TBC1D4: variants seen among roughly 807,000 people sequenced by gnomAD.
TBC1D4 encodes TBC1 domain family member 4.
Under a neutral mutation model 142.5 loss-of-function variants are expected in TBC1D4, and 121 were observed. The ratio of observed to expected loss-of-function variants is 0.85; its 90% CI spans 0.73 to 0.99. The LOEUF (loss-of-function observed/expected upper bound fraction) is 0.99, where lower values mean the gene tolerates loss of function less well. Ranked by LOEUF, TBC1D4 falls within the 50% of genes least tolerant of loss-of-function variation. The pLI, the probability that TBC1D4 is intolerant of heterozygous loss-of-function variation, is 0.00. For synonymous variants in TBC1D4, 630 were observed against 628.2 expected (o/e 1.00, Z -0.04); for missense variants, 1,475 against 1,606.6 (o/e 0.92, Z 1.40).
intron 7 of TBC1D4, among the ~76,000 whole-genome samples, chr13:75,338,405 A>G (rs1443524408): frequency 6.6e-6 from 1 of 152,160 alleles, no homozygotes; most frequent in African/African-American, 2.4e-5. Context: ...AAATACAAAA[A>G]CTGTATGGGC....
At position 75,292,118 on chromosome 13, in the gene TBC1D4, T is replaced by C. The variant is rs1566340953; in HGVS notation, c.3470A>G (p.Glu1157Gly). 6.2e-7 allele frequency: 1 copy of C among 1,611,378 alleles called. No homozygotes were observed. ...TLPDMNTSEM[E>G]KIITQVFEMD... Reference sequence around the variant, plus strand: ...AAATCATACCTGGGTAATAATTTTTTCCATTTCAGAGGTATTCATATCAGG... The same window carrying C: ...AAATCATACCTGGGTAATAATTTTTCCCATTTCAGAGGTATTCATATCAGG... The change falls in exon 19 of 21, where the codon GAA becomes GGA. Residue 1157 changes from glutamate to glycine, a missense_variant. By Grantham distance (98) the Glu-to-Gly change is moderately conservative. This residue lies in a region of TBC1D4 where 248 missense variants were observed against 338.9 expected (regional missense o/e 0.73). Coordinates refer to ENST00000377636, the MANE Select transcript of TBC1D4 (RefSeq NM_014832.5).
At chr13:75,332,351 A>G (rs1309449073) in intron 8 of TBC1D4, among the ~76,000 whole-genome samples, 3 of 152,246 alleles carry the variant, frequency 2.0e-5, no homozygotes, top group Non-Finnish European at 4.4e-5. Context: ...TATGGCTTAG[A>G]AAAGGCAAAT....
In TBC1D4 at chr13:75,324,302, G is replaced by T. The variant is rs761030122; in HGVS notation, c.2133C>A (p.Pro711=). 39 of 1,613,908 alleles carry T rather than the reference G, an allele frequency of 2.4e-5. No homozygotes were observed. Among genetic ancestry groups the T allele is most frequent in the Non-Finnish European group, 5.1e-6 (6 of 1,179,902 alleles). The change falls in exon 11 of 21, where the codon CCC becomes CCA. Residue 711 remains proline, a synonymous_variant. Coordinates refer to ENST00000377636, the MANE Select transcript of TBC1D4 (RefSeq NM_014832.5). ...TSFSAPSFTA[P]SFLKSFYQNS... ...TCTGGTAAAAGCTTTTCAGGAAAGAGGGGGCAGTGAAGGAAGGGGCAGAGA... is the reference window on the plus strand; with the variant it reads ...TCTGGTAAAAGCTTTTCAGGAAAGATGGGGCAGTGAAGGAAGGGGCAGAGA...
intron 1 of TBC1D4, among the ~76,000 whole-genome samples, chr13:75,381,756 G>A (rs536050422): frequency 1.3e-4 from 20 of 152,296 alleles, no homozygotes; most frequent in African/African-American, 4.6e-4. Flanking sequence ...TATGCTAGGC[G>A]CTAAGCATGC....
At chr13:75,309,194 T>C (rs1170596054) in intron 14 of TBC1D4, among the ~76,000 whole-genome samples, 5 of 152,182 alleles carry the variant, frequency 3.3e-5, no homozygotes, top group Admixed American at 1.3e-4. Context: ...TACATTTTTT[T>C]GGATTTCTTA....
At chr13:75,324,535 C>A in intron 10 of TBC1D4, 134 bp from the exon 11 acceptor site, 15 of 1,029,438 alleles carry the variant, frequency 1.5e-5, no homozygotes, top group Middle Eastern at 3.2e-4. Flanking sequence ...CTGGATCTTA[C>A]ATGAAAAAAA....
In TBC1D4 at chr13:75,322,880, C is replaced by T. The variant is rs574022343; in HGVS notation, c.2198+1357G>A. ...TCCTTTGAAATTTCTTCCATAAGGT[C>T]GTCCCTGAAAGCACTCTAAAGTAAA... is the stretch of plus-strand genomic sequence containing the variant. On this transcript the variant is annotated intron_variant, in intron 11 of 20. Transcript: ENST00000377636. Among the ~76,000 whole-genome samples, 9 of 152,208 alleles carry T rather than the reference C, an allele frequency of 5.9e-5. No individual in the cohort carries two copies. In the South Asian group the frequency reaches 1.7e-3, roughly 28 times the overall value.
chr13:75,321,094 C>G (rs1466328228), intron 11 of TBC1D4, among the ~76,000 whole-genome samples: 1 of 151,344 alleles, frequency 6.6e-6, no homozygotes, highest in African/African-American at 2.4e-5. Flanking sequence ...CTACCCTATT[C>G]CCTACTTGAC....
At chr13:75,468,370 G>T (rs1258300141) in intron 1 of TBC1D4, among the ~76,000 whole-genome samples, 1 of 152,098 alleles carries the variant, frequency 6.6e-6, no homozygotes, top group Non-Finnish European at 1.5e-5. Context: ...TAACTGAACT[G>T]AACTGAAACT....
At chr13:75,306,801 T>C (rs1877234125) in intron 14 of TBC1D4, among the ~76,000 whole-genome samples, 1 of 152,228 alleles carries the variant, frequency 6.6e-6, no homozygotes, top group African/African-American at 2.4e-5. Context: ...TAATATTTTA[T>C]ATGTGCCATA....
intron 18 of TBC1D4, among the ~76,000 whole-genome samples, chr13:75,293,887 A>AT (rs1196242349): frequency 6.6e-6 from 1 of 152,134 alleles, no homozygotes; most frequent in African/African-American, 2.4e-5. Context: ...ATGCTGTTTC[A>AT]TTTTTTCAAA....
chr13:75,341,489 A>G lies in TBC1D4; in HGVS notation c.1500+7T>C. 6.2e-7 allele frequency: 1 copy of G among 1,612,812 alleles called. No individual in the cohort carries two copies. ...GTCTTATTTATGAGACCTACAAATA[A>G]TGTTACCTGAACTCTTTCAAAGATG... On this transcript the variant is annotated splice_region_variant and intron_variant, in intron 6 of 20. Coordinates refer to ENST00000377636, the MANE Select transcript of TBC1D4 (RefSeq NM_014832.5).
Position 75,302,418 on chromosome 13 carries a change from A to G in TBC1D4, c.2753-17T>C. 6.2e-7 allele frequency: 1 copy of G among 1,614,042 alleles called. No homozygotes were observed. Among genetic ancestry groups the G allele is most frequent in the Non-Finnish European group, 8.5e-7 (1 of 1,179,968 alleles). ...TGGGAACTCCTACAATGAAGGAGAT[A>G]AATAACCAAGGCCTTGAACTCTGGA... On this transcript the variant is annotated splice_polypyrimidine_tract_variant and intron_variant, in intron 15 of 20. Transcript: ENST00000377636.
chr13:75,287,171 T>C (rs1267182269), intron 20 of TBC1D4, 146 bp from the exon 21 acceptor site: 1 of 724,060 alleles, frequency 1.4e-6, no homozygotes, highest in African/African-American at 1.8e-5. Flanking sequence ...AACGATGATT[T>C]ATTAGGTTTC....
chr13:75,321,558 T>A (rs1457836940), intron 11 of TBC1D4, among the ~76,000 whole-genome samples: 1 of 152,192 alleles, frequency 6.6e-6, no homozygotes, highest in Non-Finnish European at 1.5e-5. Context: ...GCAACTTTAG[T>A]ATAAATTTGA....
intron 12 of TBC1D4, among the ~76,000 whole-genome samples, chr13:75,317,588 T>C (rs1470755284): frequency 6.6e-6 from 1 of 152,232 alleles, no homozygotes; most frequent in Non-Finnish European, 1.5e-5. Flanking sequence ...CATTCCCTTA[T>C]GTTTCCATAG....
Position 75,299,514 on chromosome 13 carries a change from A to G in TBC1D4, c.2972T>C (p.Leu991Pro), listed in dbSNP as rs1876297329. ...AGAATAGGCTTTCAGGAGGTTAAACAGTGACAGCTGTCCTGGCCCAAGCTG... is the reference window on the plus strand; with the variant it reads ...AGAATAGGCTTTCAGGAGGTTAAACGGTGACAGCTGTCCTGGCCCAAGCTG... ...SVQLGPGQLSLFNLLKAYSLL... is the reference protein window; with the variant it reads ...SVQLGPGQLSPFNLLKAYSLL... The change falls in exon 17 of 21, where the codon CTG (leucine) becomes CCG (proline). Residue 991 changes from leucine (L) to proline (P), a missense_variant. By Grantham distance (98) the Leu-to-Pro change is moderately conservative. Transcript: ENST00000377636. 6.2e-7 allele frequency: 1 copy of G among 1,614,086 alleles called. No homozygotes were observed.
intron 1 of TBC1D4, among the ~76,000 whole-genome samples, chr13:75,372,467 A>G (rs1220644227): frequency 2.6e-5 from 4 of 152,064 alleles, no homozygotes; most frequent in Admixed American, 1.3e-4. Flanking sequence ...ACAGAGTTTC[A>G]TCATGTTGGC....
At chr13:75,421,532 T>C (rs1886169230) in intron 1 of TBC1D4, among the ~76,000 whole-genome samples, 1 of 152,206 alleles carries the variant, frequency 6.6e-6, no homozygotes, top group Non-Finnish European at 1.5e-5. Context: ...TTACAAAATG[T>C]TCTGTAACAA....
Sources: allele counts gnomAD v4.1 joint callset (sites outside exome capture counted in the v4.1 genomes callset), GRCh38; gene constraint gnomAD v4.1.1; regional missense constraint gnomAD v4.1.1; transcripts MANE v1.5; gene names NCBI Gene and HGNC (gene_info 2026-07-23, HGNC 2026-07-21).